Variants in CDH22 observed in about 807,000 individuals in gnomAD.
CDH22 encodes the protein cadherin 22, also known as cadherin-22.
Under a neutral mutation model 58.4 loss-of-function variants are expected in CDH22, and 30 were observed. That is an observed-to-expected ratio of 0.51 (90% CI 0.38 to 0.70). CDH22 has a LOEUF of 0.70. CDH22 is among the 30% of genes least tolerant of loss of function. The probability of loss-of-function intolerance (pLI) is 0.00; values close to 1 mark genes in which losing one functional copy is unlikely to be tolerated. For synonymous variants in CDH22, 513 were observed against 558.2 expected (o/e 0.92, Z 1.14); for missense variants, 1,014 against 1,233.9 (o/e 0.82, Z 2.67).
intron 1 of CDH22, among the ~76,000 whole-genome samples, chr20:46,277,623 T>G (rs577334708): frequency 2.8e-5 from 4 of 142,672 alleles, no homozygotes; most frequent in Admixed American, 7.0e-5. Flanking sequence ...CAGAAGAGAG[T>G]GGGGTGGAGG....
intron 1 of CDH22, among the ~76,000 whole-genome samples, chr20:46,261,218 G>A (rs1300665880): frequency 2.0e-5 from 3 of 152,172 alleles, no homozygotes; most frequent in Non-Finnish European, 2.9e-5. Context: ...AGGAATCTGT[G>A]GTGTTTGGCA....
At chr20:46,247,502 G>C (rs911448014) in intron 2 of CDH22, among the ~76,000 whole-genome samples, 1 of 152,176 alleles carries the variant, frequency 6.6e-6, no homozygotes, top group African/African-American at 2.4e-5. Flanking sequence ...ACAACTACTT[G>C]CATAGTATTT....
rs1289819022 is a variant in CDH22 at position 46,175,095 on chromosome 20, G to C, written c.1916-18C>G. 1.3e-6 allele frequency: 2 copies of C among 1,568,590 alleles called. No homozygotes were observed. The highest frequency in any genetic ancestry group is 2.5e-5 in the East Asian group (1 of 39,904). ...CACCAGCACTGCGAGGGGGACAGAG[G>C]GGGCAACTGAGGGCCAAGCCCCTCC... is the stretch of plus-strand genomic sequence containing the variant. On this transcript the variant is annotated intron_variant, in intron 11 of 11. Transcript: ENST00000537909.
chr20:46,190,747 A>G (rs186418729), intron 8 of CDH22, among the ~76,000 whole-genome samples: 1 of 152,338 alleles, frequency 6.6e-6, no homozygotes, highest in African/African-American at 2.4e-5. Context: ...AATTAAAATT[A>G]AACGTGCTTT....
intron 4 of CDH22, among the ~76,000 whole-genome samples, chr20:46,222,290 G>A (rs1052880119): frequency 2.6e-5 from 4 of 152,200 alleles, no homozygotes; most frequent in Non-Finnish European, 5.9e-5. Flanking sequence ...CACACAGCAA[G>A]TGCTCAAATG....
intron 3 of CDH22, among the ~76,000 whole-genome samples, chr20:46,230,638 T>G (rs192196217): frequency 9.1e-4 from 138 of 152,350 alleles, no homozygotes; most frequent in Middle Eastern, 6.8e-3. Context: ...TACTAGATAC[T>G]ATGATATAAG....
At chr20:46,285,400 A>G (rs2086571812) in intron 1 of CDH22, among the ~76,000 whole-genome samples, 1 of 151,858 alleles carries the variant, frequency 6.6e-6, no homozygotes, top group East Asian at 1.9e-4. Context: ...ACCAGGGGGG[A>G]CCTTGCGACC....
intron 1 of CDH22, among the ~76,000 whole-genome samples, chr20:46,307,532 C>T (rs2059029129): frequency 6.6e-6 from 1 of 152,210 alleles, no homozygotes. Flanking sequence ...GAGTCGGGTC[C>T]TAAGGAAGAG....
rs2145785285 is a variant in CDH22 at position 46,300,656 on chromosome 20, G to C, written c.-400+7599C>G. ...TGTTAACATCTGGACCAACTTTCCA[G>C]AGGCCAAAACAGTTCTCTGCCATCC... On this transcript the variant is annotated intron_variant, in intron 1 of 11. Coordinates refer to ENST00000537909, the MANE Select transcript of CDH22 (RefSeq NM_021248.3). This position sits in a 1 kb window ranked among gnomAD's most constrained non-coding sequence, Gnocchi z 4.4. 6.6e-6 allele frequency among the ~76,000 whole-genome samples: 1 copy of C among 152,336 alleles called. No homozygotes were observed. Among genetic ancestry groups the C allele is most frequent in the South Asian group, 2.1e-4 (1 of 4,830 alleles).
chr20:46,198,202 C>A (rs1189102386), intron 8 of CDH22, among the ~76,000 whole-genome samples: 1 of 151,662 alleles, frequency 6.6e-6, no homozygotes, highest in African/African-American at 2.4e-5. Context: ...CTCCTCACCT[C>A]CACAGCCTTA....
chr20:46,264,046 A>T (rs1246588644), intron 1 of CDH22, among the ~76,000 whole-genome samples: 3 of 152,154 alleles, frequency 2.0e-5, no homozygotes, highest in Non-Finnish European at 2.9e-5. Context: ...GATGAATCAG[A>T]TGTAGCGGAC....
chr20:46,295,057 A>G (rs893380844), intron 1 of CDH22, among the ~76,000 whole-genome samples: 2 of 152,076 alleles, frequency 1.3e-5, no homozygotes, highest in African/African-American at 2.4e-5. Flanking sequence ...CTTGTCTTTC[A>G]CTGCCAGGAA....
chr20:46,202,179 C>G (rs1040298621), intron 7 of CDH22, among the ~76,000 whole-genome samples: 7 of 151,982 alleles, frequency 4.6e-5, no homozygotes, highest in African/African-American at 1.7e-4. Context: ...TCCAGCGAGC[C>G]TTCTGCTTGC....
At chr20:46,302,423 T>C (rs996606208) in intron 1 of CDH22, among the ~76,000 whole-genome samples, 1 of 151,980 alleles carries the variant, frequency 6.6e-6, no homozygotes. Flanking sequence ...GGGGGCAAAA[T>C]TGCCCCCAGT....
chr20:46,236,261 C>T (rs1386546228), intron 3 of CDH22, among the ~76,000 whole-genome samples: 1 of 151,816 alleles, frequency 6.6e-6, no homozygotes, highest in East Asian at 1.9e-4. Context: ...TGTGTTTTAA[C>T]AAGCCCTCCA....
chr20:46,201,564 G>A (rs1252370797), intron 7 of CDH22, among the ~76,000 whole-genome samples: 1 of 152,172 alleles, frequency 6.6e-6, no homozygotes, highest in Non-Finnish European at 1.5e-5. Flanking sequence ...TGAAAAAGAG[G>A]ATGACTCCTA....
At chr20:46,207,238 C>G (rs1408431526) in intron 7 of CDH22, among the ~76,000 whole-genome samples, 2 of 152,172 alleles carry the variant, frequency 1.3e-5, no homozygotes, top group Non-Finnish European at 2.9e-5. Context: ...TCAAAGTTGG[C>G]CCTTTCAGTG....
rs202094827 is a variant in CDH22, at chr20:46,292,198, A to C, written c.-400+16057T>G. Among the ~76,000 whole-genome samples the C allele has an allele frequency of 2.2e-4, 33 of 152,286 alleles. No individual in the cohort carries two copies. The East Asian group carries it at 4.8e-3, about 22-fold the overall frequency. ...GAAGGCATGCCTGCTGAGCTTTCCC[A>C]CTGGAGGCTCCCTCCCCCAGGGTGA... On this transcript the variant is annotated intron_variant, in intron 1 of 11. Coordinates refer to ENST00000537909, the MANE Select transcript of CDH22 (RefSeq NM_021248.3).
At chr20:46,201,350 G>A (rs896539746) in intron 7 of CDH22, among the ~76,000 whole-genome samples, 1 of 152,222 alleles carries the variant, frequency 6.6e-6, no homozygotes, top group African/African-American at 2.4e-5. Context: ...GGGGCCCAGA[G>A]CCCTGAGATG....
Sources: allele counts gnomAD v4.1 joint callset (sites outside exome capture counted in the v4.1 genomes callset), GRCh38; gene constraint gnomAD v4.1.1; non-coding constraint Gnocchi (gnomAD v3.1); transcripts MANE v1.5; gene names NCBI Gene and HGNC (gene_info 2026-07-23, HGNC 2026-07-21).